DNAI7: variants seen among roughly 807,000 people sequenced by gnomAD.
DNAI7 encodes dynein axonemal intermediate chain 7.
Under a neutral mutation model 86.6 loss-of-function variants are expected in DNAI7, and 78 were observed. The ratio of observed to expected loss-of-function variants is 0.90; its 90% confidence interval spans 0.75 to 1.09. The LOEUF (loss-of-function observed/expected upper bound fraction) is 1.09. Ranked by LOEUF, DNAI7 falls within the 50% of genes least tolerant of loss-of-function variation. The pLI is 0.00. For synonymous variants in DNAI7, 274 were observed against 273.0 expected, an observed-to-expected ratio of 1.00 and a Z score of -0.04; for missense variants, 753 against 810.2, an observed-to-expected ratio of 0.93 and a Z score of 0.86.
At chr12:25,107,956 TCTGTGGATGCCGCTCCCAC>T (rs770095792), downstream of DNAI7, 1 of 1,614,150 alleles carries the variant, frequency 6.2e-7, no homozygotes, top group Non-Finnish European at 8.5e-7. Flanking sequence ...ATTCCAGAAG[TCTGTGGATGCCGCTCCCAC>T]ACAGCAAGAG....
chr12:25,146,964 T>C, intron 8 of DNAI7, 37 bp downstream of exon 8: 1 of 1,065,302 alleles, frequency 9.4e-7, no homozygotes, highest in Non-Finnish European at 1.5e-6. Flanking sequence ...AATGTCTTTC[T>C]TTCCACCTAC....
intron 9 of DNAI7, among the ~76,000 whole-genome samples, chr12:25,129,305 T>C (rs1942556037): frequency 6.6e-6 from 1 of 152,246 alleles, no homozygotes; most frequent in East Asian, 1.9e-4. Flanking sequence ...TGATTTCTCC[T>C]AACTTGTATG....
intron 2 of DNAI7, among the ~76,000 whole-genome samples, chr12:25,173,880 C>T (rs948484088): frequency 1.4e-4 from 2 of 13,890 alleles, no homozygotes; most frequent in South Asian, 2.3e-3. Context: ...TATATATATA[C>T]ACATCATTCA....
chr12:25,175,466 T>G (rs1460418897), intron 2 of DNAI7, among the ~76,000 whole-genome samples: 1 of 152,092 alleles, frequency 6.6e-6, no homozygotes, highest in Non-Finnish European at 1.5e-5. Flanking sequence ...TTCAAGGGAT[T>G]CTCCTGCCTC....
intron 2 of DNAI7, among the ~76,000 whole-genome samples, chr12:25,177,145 C>T (rs149683130): frequency 0.015 from 2,278 of 152,208 alleles, 23 homozygotes; most frequent in Middle Eastern, 0.051. Flanking sequence ...TCAAGTGATT[C>T]ACCTGCCTTG....
intron 10 of DNAI7, among the ~76,000 whole-genome samples, chr12:25,122,667 T>C (rs1941500184): frequency 6.6e-6 from 1 of 152,284 alleles, no homozygotes; most frequent in South Asian, 2.1e-4. Flanking sequence ...CTAAACTATA[T>C]CCAACTGCTA....
At chr12:25,155,916 C>T (rs1946107150) in intron 4 of DNAI7, among the ~76,000 whole-genome samples, 2 of 152,114 alleles carry the variant, frequency 1.3e-5, no homozygotes, top group South Asian at 4.1e-4. Context: ...TCGAGACCAG[C>T]CAACATGGTG....
At chr12:25,107,211 G>A (rs1949228421), downstream of DNAI7, among the ~76,000 whole-genome samples, 1 of 152,096 alleles carries the variant, frequency 6.6e-6, no homozygotes, top group Non-Finnish European at 1.5e-5. Flanking sequence ...TTGAACCTAT[G>A]TTATCTATTT....
rs1399463948 is a variant in DNAI7, at chr12:25,149,732, ATGG to A, written c.478_480del (p.Pro160del). 2 of 1,548,608 alleles carry A rather than the reference ATGG, an allele frequency of 1.3e-6. No individual in the cohort carries two copies. The highest frequency in any genetic ancestry group is 2.3e-5 in the East Asian group (1 of 44,404). Reference sequence around the variant, plus strand: ...ATTATATTTTTATCTTGCAAATCACATGGTGGAGTTTCCAGTAAAATAAATTTC... The same window carrying A: ...ATTATATTTTTATCTTGCAAATCACATGGAGTTTCCAGTAAAATAAATTTC... On this transcript the variant is annotated inframe_deletion, in exon 7 of 16. Transcript: ENST00000395987.
At chr12:25,163,149 A>G (rs1374802482) in intron 2 of DNAI7, among the ~76,000 whole-genome samples, 1 of 152,128 alleles carries the variant, frequency 6.6e-6, no homozygotes, top group East Asian at 1.9e-4. Flanking sequence ...AAAAAACAAA[A>G]CCAAAGTATA....
chr12:25,162,328 T>C (rs940100614), intron 2 of DNAI7, among the ~76,000 whole-genome samples: 14 of 152,198 alleles, frequency 9.2e-5, no homozygotes, highest in Admixed American at 4.6e-4. Context: ...GAATGAAGAA[T>C]TGTTAAAAAT....
intron 2 of DNAI7, among the ~76,000 whole-genome samples, chr12:25,182,397 T>A (rs2141293370): frequency 6.7e-6 from 1 of 149,338 alleles, no homozygotes. Flanking sequence ...ATTGTAGTAC[T>A]AGTCACAACA....
chr12:25,116,084 CTTT>C (rs35310438), intron 12 of DNAI7, among the ~76,000 whole-genome samples: 11 of 138,084 alleles, frequency 8.0e-5, no homozygotes, highest in Admixed American at 7.2e-5. Flanking sequence ...GTATTTCTTT[CTTT>C]TTTTTTTTTT....
At chr12:25,191,819 G>T (rs1940864044) in intron 1 of DNAI7, among the ~76,000 whole-genome samples, 2 of 152,218 alleles carry the variant, frequency 1.3e-5, no homozygotes, top group Admixed American at 1.3e-4. Context: ...GAAAGCACAG[G>T]ATTTCAAAAA....
At chr12:25,107,996 C>T (rs1482769354), downstream of DNAI7, 17 of 1,614,148 alleles carry the variant, frequency 1.1e-5, no homozygotes, top group South Asian at 2.2e-5. Flanking sequence ...GACTCATGGA[C>T]GTCTCTAGAA....
rs185774977 is a variant in DNAI7, at chr12:25,183,905, T to A, written c.21+6709A>T. ...TTTCTTGGTAACTTTTCAACTGATT[T>A]TTTTTTATTATTCCACTATGTTCTC... On this transcript the variant is annotated intron_variant, in intron 2 of 15. Transcript: ENST00000395987. Among the ~76,000 whole-genome samples the A allele has an allele frequency of 6.6e-5, 10 of 152,286 alleles. No homozygotes were observed. In the East Asian group the frequency reaches 1.7e-3, roughly 26 times the overall value.
chr12:25,189,253 G>A (rs1320345554), intron 2 of DNAI7, among the ~76,000 whole-genome samples: 1 of 152,024 alleles, frequency 6.6e-6, no homozygotes, highest in Admixed American at 6.6e-5. Context: ...AATATGACAC[G>A]CTCCTGACCA....
At chr12:25,125,409 G>GT (rs1941991431) in intron 9 of DNAI7, among the ~76,000 whole-genome samples, 1 of 152,224 alleles carries the variant, frequency 6.6e-6, no homozygotes, top group South Asian at 2.1e-4. Context: ...TAGGCCACAC[G>GT]TATGTCTTCT....
At chr12:25,138,369 A>G (rs1161255326) in intron 9 of DNAI7, among the ~76,000 whole-genome samples, 1 of 152,238 alleles carries the variant, frequency 6.6e-6, no homozygotes, top group Non-Finnish European at 1.5e-5. Flanking sequence ...AGGCTGAAGC[A>G]GGAGAATCAC....
Sources: gnomAD v4.1 joint callset for allele counts (sites outside exome capture counted in the v4.1 genomes callset) on GRCh38, gnomAD v4.1.1 for gene constraint, MANE v1.5 for transcripts, NCBI Gene and HGNC (gene_info 2026-07-23, HGNC 2026-07-21) for gene names.